Variants in AGBL3 observed in about 807,000 individuals in gnomAD.
The protein encoded by AGBL3 is cytosolic carboxypeptidase 3.
A neutral mutation model predicts 94.5 loss-of-function variants in AGBL3; 68 were observed. The ratio of observed to expected loss-of-function variants is 0.72; its 90% CI spans 0.59 to 0.88. The LOEUF (loss-of-function observed/expected upper bound fraction) is 0.88, where lower values mean the gene tolerates loss of function less well. Ranked by LOEUF, AGBL3 falls within the 40% of genes least tolerant of loss-of-function variation. The pLI is 0.00. For synonymous variants in AGBL3, 354 were observed against 370.7 expected (o/e 0.95, Z 0.52); for missense variants, 934 against 1,103.8 (o/e 0.85, Z 2.18).
At chr7:135,059,507 T>G (rs910773414) in intron 12 of AGBL3, among the ~76,000 whole-genome samples, 9 of 152,226 alleles carry the variant, frequency 5.9e-5, no homozygotes, top group African/African-American at 1.9e-4. Flanking sequence ...GGTGGTAGCC[T>G]AACATACATC....
intron 8 of AGBL3, among the ~76,000 whole-genome samples, chr7:135,040,836 A>AT (rs1174036473): frequency 6.8e-6 from 1 of 148,006 alleles, no homozygotes. Flanking sequence ...CAGTGGCACA[A>AT]TTATCTACAC....
chr7:135,101,083 C>T, intron 15 of AGBL3: 1 of 414,618 alleles, frequency 2.4e-6, no homozygotes, highest in Non-Finnish European at 4.8e-6. Flanking sequence ...TTTTCATCTC[C>T]CAAAGTATGA....
intron 16 of AGBL3, chr7:135,129,305 G>T: frequency 6.9e-7 from 1 of 1,456,954 alleles, no homozygotes. Flanking sequence ...CCTACCATGG[G>T]GTCTCTCCAT....
intron 13 of AGBL3, 138 bp from the exon 14 acceptor site, chr7:135,080,065 T>G (rs529265921): frequency 7.9e-5 from 47 of 596,102 alleles, no homozygotes; most frequent in African/African-American, 7.6e-4. Flanking sequence ...TATAAGATAA[T>G]TTTGGTCATT....
intron 4 of AGBL3, among the ~76,000 whole-genome samples, chr7:135,003,996 C>T (rs1157250267): frequency 1.3e-5 from 2 of 151,154 alleles, no homozygotes; most frequent in African/African-American, 4.8e-5. Flanking sequence ...AATAATGTTG[C>T]CTTTATCTTA....
intron 16 of AGBL3, among the ~76,000 whole-genome samples, chr7:135,122,383 A>T (rs1827258154): frequency 6.6e-6 from 1 of 152,158 alleles, no homozygotes; most frequent in South Asian, 2.1e-4. Flanking sequence ...CAGAACCCAG[A>T]TCTCCCTGGG....
chr7:135,108,803 C>A (rs778647600), intron 15 of AGBL3, among the ~76,000 whole-genome samples: 3 of 152,158 alleles, frequency 2.0e-5, no homozygotes, highest in Non-Finnish European at 2.9e-5. Flanking sequence ...TTTTCCCTGT[C>A]CCTTTCAGGG....
intron 15 of AGBL3, among the ~76,000 whole-genome samples, chr7:135,096,558 A>AGATAGAT (rs1822770203): frequency 2.8e-4 from 22 of 79,788 alleles, no homozygotes; most frequent in African/African-American, 9.7e-4. Flanking sequence ...GAAAGAAAGA[A>AGATAGAT]AGATAGATAG....
At chr7:135,025,124 C>T (rs189055237) in intron 5 of AGBL3, among the ~76,000 whole-genome samples, 2 of 151,266 alleles carry the variant, frequency 1.3e-5, no homozygotes, top group African/African-American at 4.8e-5. Flanking sequence ...ACAGAGAACC[C>T]CTGCAAGATA....
Position 135,135,197 on chromosome 7 carries a change from A to G in AGBL3, c.2699A>G (p.Asp900Gly). The G allele has an allele frequency of 6.5e-7, 1 of 1,547,986 alleles. No homozygotes were observed. Among genetic ancestry groups the G allele is most frequent in the Non-Finnish European group, 8.7e-7 (1 of 1,145,726 alleles). ...GCCCTCCATCTAACTAAAAATAAGGATGAGCAGGCCAATAAGAATGATGGA... is the reference window on the plus strand; with the variant it reads ...GCCCTCCATCTAACTAAAAATAAGGGTGAGCAGGCCAATAAGAATGATGGA... ...HTALHLTKNK[D>G]EQANKNDGQP... is the part of the protein sequence containing the mutation. Residue 900 changes from aspartate to glycine, a missense_variant, in exon 17 of 17, where the codon GAT becomes GGT. Coordinates refer to ENST00000436302, the MANE Select transcript of AGBL3 (RefSeq NM_178563.4).
intron 15 of AGBL3, among the ~76,000 whole-genome samples, chr7:135,107,436 AG>A (rs1824904837): frequency 6.6e-6 from 1 of 152,236 alleles, no homozygotes; most frequent in African/African-American, 2.4e-5. Flanking sequence ...TTAATTAAAA[AG>A]AGCTTCTTGA....
At chr7:135,095,904 C>T (rs1314130876) in intron 15 of AGBL3, among the ~76,000 whole-genome samples, 1 of 152,184 alleles carries the variant, frequency 6.6e-6, no homozygotes, top group African/African-American at 2.4e-5. Flanking sequence ...GTAATCCCAG[C>T]ACTTTGGGAG....
Position 134,998,227 on chromosome 7 carries a change from A to G in AGBL3, c.310+4549A>G, listed in dbSNP as rs555645836. Among the ~76,000 whole-genome samples the G allele has an allele frequency of 2.0e-5, 3 of 152,348 alleles. No individual in the cohort carries two copies. The South Asian group carries it at 6.2e-4, about 32-fold the overall frequency. On this transcript the variant is annotated intron_variant, in intron 4 of 16. Coordinates refer to ENST00000436302, the MANE Select transcript of AGBL3 (RefSeq NM_178563.4). Reference sequence around the variant, plus strand: ...ATTAATTGGTCCAGTTCATCATTATATCTTATGACCAGAATGTCTCCCAGA... The same window carrying G: ...ATTAATTGGTCCAGTTCATCATTATGTCTTATGACCAGAATGTCTCCCAGA...
chr7:135,005,728 A>G (rs1354091654), intron 4 of AGBL3, among the ~76,000 whole-genome samples: 2 of 151,906 alleles, frequency 1.3e-5, no homozygotes, highest in Non-Finnish European at 3.0e-5. Flanking sequence ...ACAGTAGTCA[A>G]AGCTATGTGG....
At chr7:134,992,048 TGA>T (rs1464642753) in intron 3 of AGBL3, among the ~76,000 whole-genome samples, 1 of 152,240 alleles carries the variant, frequency 6.6e-6, no homozygotes, top group Non-Finnish European at 1.5e-5. Flanking sequence ...TTGGAATTAG[TGA>T]GAGAGAAGGC....
intron 8 of AGBL3, among the ~76,000 whole-genome samples, chr7:135,043,750 T>C (rs1817092622): frequency 2.0e-5 from 3 of 152,012 alleles, no homozygotes. Flanking sequence ...AAAAAGAACT[T>C]ATTTTGAATA....
intron 4 of AGBL3, among the ~76,000 whole-genome samples, chr7:135,006,886 TA>T (rs1209720748): frequency 6.6e-6 from 1 of 151,874 alleles, no homozygotes. Flanking sequence ...AATTATCAAT[TA>T]GATGAGAACC....
At chr7:135,127,240 C>T (rs1828006156) in intron 16 of AGBL3, among the ~76,000 whole-genome samples, 1 of 152,178 alleles carries the variant, frequency 6.6e-6, no homozygotes, top group African/African-American at 2.4e-5. Context: ...AGAAGACATT[C>T]ATGCAGCCAA....
At chr7:135,000,740 G>T (rs1811611735) in intron 4 of AGBL3, among the ~76,000 whole-genome samples, 1 of 152,134 alleles carries the variant, frequency 6.6e-6, no homozygotes, top group South Asian at 2.1e-4. Context: ...TTAGTAATTG[G>T]TTCTCAAATG....
Sources: gnomAD v4.1 joint callset for allele counts (sites outside exome capture counted in the v4.1 genomes callset) on GRCh38, gnomAD v4.1.1 for gene constraint, MANE v1.5 for transcripts, NCBI Gene and HGNC (gene_info 2026-07-23, HGNC 2026-07-21) for gene names.